Variants in PSG11 observed in about 807,000 individuals in gnomAD.
PSG11 encodes pregnancy-specific beta-1-glycoprotein 11.
PSG11 carries 42 observed loss-of-function variants against 36.0 expected under a neutral mutation model. That is an observed-to-expected ratio of 1.17 (90% CI 0.91 to 1.51). The LOEUF (loss-of-function observed/expected upper bound fraction) is 1.51, where lower values mean the gene tolerates loss of function less well. Among genes scored for constraint, PSG11 ranks in the 40% most tolerant of loss-of-function variants. The probability of loss-of-function intolerance (pLI) is 0.00; values close to 1 mark genes in which losing one functional copy is unlikely to be tolerated. For missense variants in PSG11, 558 were observed against 403.5 expected (o/e 1.38, Z -3.28); for synonymous variants, 206 against 153.5 (o/e 1.34, Z -2.53).
rs192997456 is a variant in PSG11, at chr19:43,013,598, T to C, written c.964+1518A>G. 1.5e-3 allele frequency among the ~76,000 whole-genome samples: 222 copies of C among 151,298 alleles called. 4 individuals are homozygous for C. The highest frequency in any genetic ancestry group is 5.0e-3 in the African/African-American group (205 of 41,054). Reference sequence around the variant, plus strand: ...AATTTAGGATGGTTTTGATAAACAATAACAATGACAGCAACACAAAACAAC... The same window carrying C: ...AATTTAGGATGGTTTTGATAAACAACAACAATGACAGCAACACAAAACAAC... On this transcript the variant is annotated intron_variant, in intron 4 of 5. Coordinates refer to ENST00000320078, the MANE Select transcript of PSG11 (RefSeq NM_002785.3).
Position 43,026,308 on chromosome 19 carries a change from C to G in PSG11, c.64+1G>C. 6.2e-7 allele frequency: 1 copy of G among 1,610,780 alleles called. No homozygotes were observed. The highest frequency in any genetic ancestry group is 8.5e-7 in the Non-Finnish European group (1 of 1,178,474). ...CCTCTCCCAGGAAGTTCTCTCCTCA[C>G]CTGTGAGCAGGAGCCCCTTCCATTT... On this transcript the variant is annotated splice_donor_variant, in intron 1 of 5. Transcript: ENST00000320078. LOFTEE classifies it high-confidence loss of function.
At chr19:43,010,927 G>T (rs948342952) in intron 4 of PSG11, among the ~76,000 whole-genome samples, 1 of 147,878 alleles carries the variant, frequency 6.8e-6, no homozygotes, top group Non-Finnish European at 1.5e-5. Flanking sequence ...AAAAAGGAAG[G>T]TACTGTTGAG....
At chr19:43,025,442 C>T in intron 1 of PSG11, 1 of 224,126 alleles carries the variant, frequency 4.5e-6, no homozygotes, top group Non-Finnish European at 8.7e-6. Context: ...TGGGTCTTCC[C>T]TTTCTGACCT....
At position 43,021,967 on chromosome 19, in the gene PSG11, C is replaced by T. The variant is rs185058796; in HGVS notation, c.430+2724G>A. 8.6e-4 allele frequency among the ~76,000 whole-genome samples: 131 copies of T among 151,498 alleles called. 3 individuals carry two copies. Among genetic ancestry groups the T allele is most frequent in the African/African-American group, 3.0e-3 (122 of 41,148 alleles). On this transcript the variant is annotated intron_variant, in intron 2 of 5. Coordinates refer to ENST00000320078, the MANE Select transcript of PSG11 (RefSeq NM_002785.3). ...GGCATCTAGTCTCAGGCTGGCTGTCCTCACTCATTCCTGCACATAGACAAG... is the reference window on the plus strand; with the variant it reads ...GGCATCTAGTCTCAGGCTGGCTGTCTTCACTCATTCCTGCACATAGACAAG...
rs1967218496 is a variant in PSG11, at chr19:43,025,354, C to T, written c.65-298G>A. On this transcript the variant is annotated intron_variant, in intron 1 of 5. Coordinates refer to ENST00000320078, the MANE Select transcript of PSG11 (RefSeq NM_002785.3). ...CCTCTTCCCCAGGGGTCCGCATGGC[C>T]CCCTCCACACTGCCCTCAGGTCCTG... The T allele has an allele frequency of 9.5e-6, 4 of 420,400 alleles. No homozygotes were observed. The South Asian group carries it at 1.3e-4, about 13-fold the overall frequency. The allele number at this position is 420,400 out of a possible 1,614,324, so 26.0% of individuals were successfully genotyped here.
intron 3 of PSG11, 105 bp downstream of exon 3, chr19:43,018,665 G>C: frequency 6.2e-7 from 1 of 1,603,730 alleles, no homozygotes; most frequent in Non-Finnish European, 8.5e-7. Flanking sequence ...ATGTCCAGTG[G>C]TAAAGGTCTC....
In PSG11 at chr19:43,010,291, C is replaced by T. The variant is rs540006534; in HGVS notation, c.965-250G>A. On this transcript the variant is annotated intron_variant, in intron 4 of 5. Coordinates refer to ENST00000320078, the MANE Select transcript of PSG11 (RefSeq NM_002785.3). ...TCAGGTATTTTGGAAGGCTTTCAGA[C>T]GTGAGAAAGGCTGATTGCTATTTTC... 2.0e-4 allele frequency: 296 copies of T among 1,480,120 alleles called. 8 individuals carry two copies. The highest frequency in any genetic ancestry group is 8.6e-4 in the Admixed American group (35 of 40,824). The allele number at this position is 1,480,120 out of a possible 1,614,324, so 91.7% of individuals were successfully genotyped here.
intron 2 of PSG11, among the ~76,000 whole-genome samples, chr19:43,020,604 C>A (rs1389297550): frequency 6.6e-6 from 1 of 151,272 alleles, no homozygotes; most frequent in Admixed American, 6.6e-5. Flanking sequence ...CTCTTGAGAC[C>A]AACATAAGGT....
chr19:43,011,976 T>G (rs552266594), intron 4 of PSG11, among the ~76,000 whole-genome samples: 1 of 150,216 alleles, frequency 6.7e-6, no homozygotes, highest in African/African-American at 2.4e-5. Context: ...GAAAGTACTA[T>G]AAATAATTGT....
At chr19:43,025,186 T>TACAA in intron 1 of PSG11, 130 bp from the exon 2 acceptor site, 1 of 1,269,584 alleles carries the variant, frequency 7.9e-7, no homozygotes, top group Non-Finnish European at 1.1e-6. Flanking sequence ...CACACACACA[T>TACAA]ACAAACATAC....
At chr19:43,021,576 C>T (rs1231208278) in intron 2 of PSG11, among the ~76,000 whole-genome samples, 1 of 151,420 alleles carries the variant, frequency 6.6e-6, no homozygotes, top group Non-Finnish European at 1.5e-5. Context: ...TGGTCTCCAT[C>T]TCCTGACCTT....
At chr19:43,015,395 A>T in intron 3 of PSG11, 25 bp from the exon 4 acceptor site, 1 of 1,597,582 alleles carries the variant, frequency 6.3e-7, no homozygotes, top group Non-Finnish European at 8.5e-7. Context: ...ATAAAGCCAC[A>T]GTTGATGTCA....
At position 43,018,876 on chromosome 19, in the gene PSG11, G is replaced by T. The variant is rs1363424003; in HGVS notation, c.603C>A (p.Thr201=). ...ACTTTGTGACACCAAATAGAAAGAG[G>T]GTCCTGTTGGTTTCAGACAGCTGCA... ...HRMQLSETNR[T]LFLFGVTKYT... Residue 201 remains threonine, a synonymous_variant, in exon 3 of 6, where the codon ACC becomes ACA. Transcript: ENST00000320078. 1.2e-6 allele frequency: 2 copies of T among 1,612,016 alleles called. No homozygotes were observed. The highest frequency in any genetic ancestry group is 2.2e-5 in the East Asian group (1 of 44,792).
intron 4 of PSG11, among the ~76,000 whole-genome samples, chr19:43,012,041 A>C (rs1974090395): frequency 6.6e-6 from 1 of 151,506 alleles, no homozygotes; most frequent in Non-Finnish European, 1.5e-5. Flanking sequence ...GAAACACACA[A>C]AAATATGAAT....
At chr19:43,023,312 T>G (rs1313128349) in intron 2 of PSG11, among the ~76,000 whole-genome samples, 1 of 150,698 alleles carries the variant, frequency 6.6e-6, no homozygotes, top group Non-Finnish European at 1.5e-5. Flanking sequence ...TTCCATTCCT[T>G]CATTTGTTAT....
At chr19:43,015,542 C>A (rs1437493794) in intron 3 of PSG11, among the ~76,000 whole-genome samples, 172 bp from the exon 4 acceptor site, 1 of 151,380 alleles carries the variant, frequency 6.6e-6, no homozygotes, top group African/African-American at 2.4e-5. Flanking sequence ...TTTCTCCCAC[C>A]ACAAGCTGTG....
At chr19:43,024,452 C>A in intron 2 of PSG11, 2 of 595,544 alleles carry the variant, frequency 3.4e-6, no homozygotes, top group South Asian at 4.0e-5. Context: ...CTGCTGAGTC[C>A]CCCCATCAGA....
chr19:43,014,874 G>C (rs1365638659), intron 4 of PSG11: 34 of 1,385,390 alleles, frequency 2.5e-5, no homozygotes, highest in Non-Finnish European at 2.9e-6. Context: ...ATAGGGCTCA[G>C]GGCTGATAAA....
At chr19:43,014,236 G>T in intron 4 of PSG11, 2 of 629,976 alleles carry the variant, frequency 3.2e-6, no homozygotes, top group Non-Finnish European at 3.9e-6. Context: ...AACAGTTAAT[G>T]GTAAGCCTTA....
Sources: allele counts gnomAD v4.1 joint callset (sites outside exome capture counted in the v4.1 genomes callset), GRCh38; gene constraint gnomAD v4.1.1; transcripts MANE v1.5; gene names NCBI Gene and HGNC (gene_info 2026-07-23, HGNC 2026-07-21).